Variants in CDH13 observed in about 807,000 individuals in gnomAD.
CDH13 encodes the protein cadherin-13.
Under a neutral mutation model 63.8 loss-of-function variants are expected in CDH13, and 24 were observed. That is an observed-to-expected ratio of 0.38 (90% CI 0.27 to 0.53). The LOEUF (loss-of-function observed/expected upper bound fraction) is 0.53. Among genes scored for constraint, CDH13 ranks in the 20% least tolerant of loss-of-function variants. CDH13 has a pLI of 0.85. For missense variants in CDH13, 1,049 were observed against 903.1 expected (o/e 1.16, Z -2.07); for synonymous variants, 503 against 355.3 (o/e 1.42, Z -4.67).
intron 3 of CDH13, among the ~76,000 whole-genome samples, chr16:83,101,357 C>T (rs1187433146): frequency 6.7e-6 from 1 of 148,970 alleles, no homozygotes; most frequent in African/African-American, 2.5e-5. Flanking sequence ...ATATATAGAA[C>T]ACCATATATA....
intron 5 of CDH13, among the ~76,000 whole-genome samples, chr16:83,238,516 C>A (rs1287404503): frequency 6.6e-6 from 1 of 152,168 alleles, no homozygotes; most frequent in Non-Finnish European, 1.5e-5. Context: ...CAGGACACAG[C>A]CAAACCATAT....
Position 83,214,350 on chromosome 16 carries a change from C to CG in CDH13, c.484-2992dup, listed in dbSNP as rs2039430386. On this transcript the variant is annotated intron_variant, in intron 4 of 13. Transcript: ENST00000567109. ...ATCCCAGCACTTTGGGAGGCTGAGG[C>CG]GGGTGGATCACATCAGGTAAGGAGT... 2.6e-5 allele frequency among the ~76,000 whole-genome samples: 4 copies of CG among 151,888 alleles called. No individual in the cohort carries two copies. The South Asian group carries it at 8.3e-4, about 32-fold the overall frequency.
chr16:83,416,775 C>G (rs1262448986), intron 6 of CDH13, among the ~76,000 whole-genome samples: 2 of 152,140 alleles, frequency 1.3e-5, no homozygotes, highest in Non-Finnish European at 2.9e-5. Flanking sequence ...AGATTCAAAT[C>G]CTGGCTCTGC....
intron 6 of CDH13, among the ~76,000 whole-genome samples, chr16:83,345,599 C>T (rs748712915): frequency 6.6e-6 from 1 of 152,120 alleles, no homozygotes; most frequent in Non-Finnish European, 1.5e-5. Flanking sequence ...CTGTCTTTTC[C>T]CATGTTTAAC....
At chr16:83,462,951 G>C (rs898335695) in intron 6 of CDH13, among the ~76,000 whole-genome samples, 2 of 152,090 alleles carry the variant, frequency 1.3e-5, no homozygotes, top group African/African-American at 2.4e-5. Flanking sequence ...TCCTCTCGAG[G>C]AAGCTATGGT....
chr16:83,713,530 C>G (rs964933290), intron 10 of CDH13, among the ~76,000 whole-genome samples: 1 of 151,856 alleles, frequency 6.6e-6, no homozygotes, highest in Non-Finnish European at 1.5e-5. Context: ...AAAATTTCCT[C>G]TTCAAATTTG....
At chr16:83,405,767 A>T (rs1168521660) in intron 6 of CDH13, among the ~76,000 whole-genome samples, 1 of 152,212 alleles carries the variant, frequency 6.6e-6, no homozygotes, top group African/African-American at 2.4e-5. Flanking sequence ...TTTCACAGGC[A>T]TATTCCTTTC....
chr16:83,555,625 G>C (rs2075585325), intron 7 of CDH13, among the ~76,000 whole-genome samples: 1 of 152,204 alleles, frequency 6.6e-6, no homozygotes, highest in South Asian at 2.1e-4. Context: ...CATAAGTGGA[G>C]AAAACCAATT....
chr16:82,751,789 C>T (rs1207748027), intron 1 of CDH13, among the ~76,000 whole-genome samples: 2 of 151,794 alleles, frequency 1.3e-5, no homozygotes, highest in Non-Finnish European at 2.9e-5. Flanking sequence ...AATTATGTTG[C>T]AGGCTCTGGT....
rs111783836 is a variant in CDH13 at position 82,961,007 on chromosome 16, G to T, written c.158-71003G>T. On this transcript the variant is annotated intron_variant, in intron 2 of 13. Transcript: ENST00000567109. ...CCACATTGGGTTCTGCCTTGGCAAC[G>T]TCTCCTGTGAGCTACAGTTGAGGGC... is the stretch of plus-strand genomic sequence containing the variant. Among the ~76,000 whole-genome samples, 470 of 152,246 alleles carry T rather than the reference G, an allele frequency of 3.1e-3. 2 individuals carry two copies. Among genetic ancestry groups the T allele is most frequent in the African/African-American group, 0.011 (439 of 41,534 alleles).
chr16:83,004,307 G>A (rs1018005842), intron 2 of CDH13, among the ~76,000 whole-genome samples: 5 of 152,158 alleles, frequency 3.3e-5, no homozygotes, highest in South Asian at 2.1e-4. Flanking sequence ...GAAGAACTTT[G>A]AATTCACAAA....
chr16:83,130,966 G>GTTCTACA (rs1359061985), intron 4 of CDH13, among the ~76,000 whole-genome samples: 1 of 152,190 alleles, frequency 6.6e-6, no homozygotes, highest in Non-Finnish European at 1.5e-5. Flanking sequence ...AATACCCACA[G>GTTCTACA]CAGGGTTATT....
intron 1 of CDH13, among the ~76,000 whole-genome samples, chr16:82,793,775 C>G (rs1175290036): frequency 6.6e-6 from 1 of 152,090 alleles, no homozygotes; most frequent in Non-Finnish European, 1.5e-5. Context: ...GGTGAATGGC[C>G]TCAGAGGAAA....
At chr16:83,292,778 C>T (rs2089495770) in intron 5 of CDH13, among the ~76,000 whole-genome samples, 2 of 152,220 alleles carry the variant, frequency 1.3e-5, no homozygotes, top group African/African-American at 2.4e-5. Context: ...GTTATAAGAG[C>T]TTGAACGATT....
chr16:83,545,958 A>G (rs1382380833), intron 7 of CDH13, among the ~76,000 whole-genome samples: 1 of 152,200 alleles, frequency 6.6e-6, no homozygotes, highest in African/African-American at 2.4e-5. Flanking sequence ...GGTGAACAAG[A>G]AAGCATAGAG....
intron 4 of CDH13, among the ~76,000 whole-genome samples, chr16:83,134,583 G>GAGAGAGAGAA (rs2036200788): frequency 1.2e-4 from 7 of 59,746 alleles, no homozygotes; most frequent in African/African-American, 8.6e-4. Context: ...GAGAGAGAGA[G>GAGAGAGAGAA]AGAGAGAGAG....
chr16:83,070,205 T>G (rs2032329466), intron 3 of CDH13, among the ~76,000 whole-genome samples: 1 of 152,192 alleles, frequency 6.6e-6, no homozygotes, highest in Non-Finnish European at 1.5e-5. Flanking sequence ...TCATTAACTA[T>G]CCTTTAAAAA....
chr16:83,234,514 G>C (rs1235087371), intron 5 of CDH13, among the ~76,000 whole-genome samples: 3 of 152,146 alleles, frequency 2.0e-5, no homozygotes, highest in African/African-American at 7.2e-5. Flanking sequence ...GCAGCTCCAA[G>C]TCCAGATTCC....
In CDH13 at chr16:83,112,622, G is replaced by A. The variant is rs551615270; in HGVS notation, c.367-12763G>A. ...TTGTTAGTTTCCCCATAATATTATA[G>A]TAAATACCTGAGTGTATTATGTGTG... On this transcript the variant is annotated intron_variant, in intron 3 of 13. Coordinates refer to ENST00000567109, the MANE Select transcript of CDH13 (RefSeq NM_001257.5). Among the ~76,000 whole-genome samples, 4 of 152,234 alleles carry A rather than the reference G, an allele frequency of 2.6e-5. No individual in the cohort carries two copies. The East Asian group carries it at 7.7e-4, about 29-fold the overall frequency.
Sources: gnomAD v4.1 joint callset for allele counts (sites outside exome capture counted in the v4.1 genomes callset) on GRCh38, gnomAD v4.1.1 for gene constraint, MANE v1.5 for transcripts, NCBI Gene and HGNC (gene_info 2026-07-23, HGNC 2026-07-21) for gene names.